Variants in ZNF75D observed in about 807,000 individuals in gnomAD.
The protein encoded by ZNF75D is zinc finger protein 75D.
In ZNF75D, 33 loss-of-function variants were observed where a neutral mutation model predicts 33.3. That is an observed-to-expected ratio of 0.99 (90% CI 0.75 to 1.32). The LOEUF (loss-of-function observed/expected upper bound fraction) is 1.32, where lower values mean the gene tolerates loss of function less well. Among genes scored for constraint, ZNF75D ranks in the 40% most tolerant of loss-of-function variants. The probability of loss-of-function intolerance (pLI) is 0.00; values close to 1 mark genes in which losing one functional copy is unlikely to be tolerated. For missense variants in ZNF75D, 338 were observed against 367.5 expected (o/e 0.92, Z 0.66); for synonymous variants, 113 against 130.6 (o/e 0.87, Z 0.92).
chrX:135,284,763 G>A (rs1479229583), downstream of ZNF75D, among the ~76,000 whole-genome samples: 1 of 111,806 alleles, frequency 8.9e-6, no homozygotes, highest in African/African-American at 3.2e-5. Context: ...AAGGTAACAG[G>A]TATTATAACA....
Position 135,302,236 on chromosome X carries a change from A to G in ZNF75D, c.-390-6197T>C, listed in dbSNP as rs782120922. Among the ~76,000 whole-genome samples the G allele has an allele frequency of 1.1e-3, 129 of 112,469 alleles. 1 individual carries two copies. Among genetic ancestry groups the G allele is most frequent in the African/African-American group, 3.9e-3 (121 of 30,980 alleles). On this transcript the variant is annotated intron_variant, in intron 1 of 6. Coordinates refer to ENST00000370766, the MANE Select transcript of ZNF75D (RefSeq NM_007131.5). ...TTTAAATACATTATATTTAGGCCCT[A>G]TACATCAAAGGTGAAGCAAGGATAT...
At chrX:135,311,109 C>A (rs1192402703) in intron 1 of ZNF75D, among the ~76,000 whole-genome samples, 1 of 112,581 alleles carries the variant, frequency 8.9e-6, no homozygotes, top group Non-Finnish European at 1.9e-5. Flanking sequence ...GCTGGGTGAG[C>A]TTTTCCCACT....
intron 1 of ZNF75D, among the ~76,000 whole-genome samples, chrX:135,323,705 C>G (rs1466908557): frequency 9.0e-6 from 1 of 111,722 alleles, no homozygotes; most frequent in Admixed American, 9.5e-5. Flanking sequence ...AGACACATTA[C>G]CCAGGGTCAT....
chrX:135,286,157 A>T lies in ZNF75D; in HGVS notation c.*980T>A, dbSNP rs2083948067. Reference sequence around the variant, plus strand: ...CTGTGCACCAAAGCTAAAAGTTCACAAGGCTCTCCTTGCCATTCTCAATAA... The same window carrying T: ...CTGTGCACCAAAGCTAAAAGTTCACTAGGCTCTCCTTGCCATTCTCAATAA... On this transcript the variant is annotated 3_prime_UTR_variant, in exon 7 of 7. Transcript: ENST00000370766. 1 of 112,168 alleles carries T rather than the reference A, an allele frequency of 8.9e-6. No individual in the cohort carries two copies. The highest frequency in any genetic ancestry group is 3.2e-5 in the African/African-American group (1 of 30,828). The allele number at this position is 112,168 out of a possible 1,213,427, so 9.2% of individuals were successfully genotyped here. A position where few individuals can be genotyped will look rare whatever the true frequency, so the allele number is the denominator to read the frequency against.
chrX:135,280,311 C>CTGTT (rs1286173304), intron 1 of ZNF75D, among the ~76,000 whole-genome samples: 5 of 111,574 alleles, frequency 4.5e-5, no homozygotes, highest in Non-Finnish European at 9.4e-5. Flanking sequence ...GCAACCCTTT[C>CTGTT]TGTTTGTTTG....
At chrX:135,293,031 C>T (rs1348384409) in intron 3 of ZNF75D, among the ~76,000 whole-genome samples, 2 of 111,026 alleles carry the variant, frequency 1.8e-5, no homozygotes, top group African/African-American at 6.6e-5. Flanking sequence ...ATATGGCCTG[C>T]CCTGGATTTT....
At chrX:135,339,509 C>T in intron 1 of ZNF75D, among the ~76,000 whole-genome samples, 1 of 112,241 alleles carries the variant, frequency 8.9e-6, no homozygotes, top group Admixed American at 9.4e-5. Flanking sequence ...GCAGGTCTCA[C>T]TCCCAGAGCT....
At chrX:135,333,935 C>G (rs1359301997) in intron 1 of ZNF75D, among the ~76,000 whole-genome samples, 1 of 111,839 alleles carries the variant, frequency 8.9e-6, no homozygotes, top group Non-Finnish European at 1.9e-5. Context: ...CAGAAATAAT[C>G]ATCTTTTCAT....
intron 1 of ZNF75D, among the ~76,000 whole-genome samples, chrX:135,279,902 A>G: frequency 9.0e-6 from 1 of 111,553 alleles, no homozygotes; most frequent in East Asian, 2.8e-4. Flanking sequence ...TTTACTTCCA[A>G]TTGTGTCGTC....
chrX:135,280,489 T>G lies in ZNF75D; in HGVS notation n.828-24712A>C, dbSNP rs1292199223. Reference sequence around the variant, plus strand: ...ATTGGGACATTTAGCCCATTTACATTTAAGGTTAATATTTTTATGTGTGAA... The same window carrying G: ...ATTGGGACATTTAGCCCATTTACATGTAAGGTTAATATTTTTATGTGTGAA... On this transcript the variant is annotated intron_variant and non_coding_transcript_variant, in intron 1 of 3. Transcript: ENST00000494295. 9.8e-5 allele frequency among the ~76,000 whole-genome samples: 11 copies of G among 111,986 alleles called. No individual in the cohort carries two copies. In the Admixed American group the frequency reaches 1.0e-3, roughly 11 times the overall value.
chrX:135,278,004 G>GT (rs1157108935), intron 1 of ZNF75D, among the ~76,000 whole-genome samples: 2 of 111,195 alleles, frequency 1.8e-5, no homozygotes, highest in African/African-American at 6.5e-5. Context: ...ATTTAAAGTA[G>GT]TTTTTTTTCT....
rs782348005 is a variant in ZNF75D, at chrX:135,293,958, G to A, written c.183C>T (p.Thr61=). ...GTTGGCTGATAGTCTCAAGCGGTCC[G>A]GTTGCTTCATGATAACGGAAGCTCC... ...HFWSFRYHEA[T]GPLETISQLQ... is the part of the protein sequence containing the mutation. The change falls in exon 3 of 7, where the codon ACC becomes ACT. Residue 61 remains threonine, a synonymous_variant. Coordinates refer to ENST00000370766, the MANE Select transcript of ZNF75D (RefSeq NM_007131.5). 8.3e-6 allele frequency: 10 copies of A among 1,211,545 alleles called. No homozygotes were observed. Among genetic ancestry groups the A allele is most frequent in the South Asian group, 5.3e-5 (3 of 56,942 alleles).
At chrX:135,326,489 C>T (rs2084578677) in intron 1 of ZNF75D, among the ~76,000 whole-genome samples, 1 of 111,950 alleles carries the variant, frequency 8.9e-6, no homozygotes, top group African/African-American at 3.3e-5. Context: ...CAAAACAGAC[C>T]ACTCGGCTCT....
intron 1 of ZNF75D, among the ~76,000 whole-genome samples, chrX:135,313,526 G>GA (rs1172591920): frequency 6.3e-5 from 7 of 110,880 alleles, no homozygotes; most frequent in African/African-American, 6.6e-5. Flanking sequence ...CTATTTCTGT[G>GA]AAAAAAATGG....
chrX:135,260,784 G>C (rs1158598035), intron 1 of ZNF75D, among the ~76,000 whole-genome samples: 1 of 111,455 alleles, frequency 9.0e-6, no homozygotes, highest in Non-Finnish European at 1.9e-5. Flanking sequence ...AGGGTTTTTT[G>C]TGTCTCTATC....
chrX:135,266,434 G>T (rs1200464549), intron 1 of ZNF75D, among the ~76,000 whole-genome samples: 1 of 111,458 alleles, frequency 9.0e-6, no homozygotes, highest in Non-Finnish European at 1.9e-5. Flanking sequence ...GATGTAAAAA[G>T]ATATTCCACG....
At position 135,294,241 on chromosome X, in the gene ZNF75D, T is replaced by C. The variant is rs1406289637; in HGVS notation, c.-101A>G. 2.8e-6 allele frequency: 2 copies of C among 707,502 alleles called. No individual in the cohort carries two copies. The highest frequency in any genetic ancestry group is 4.1e-6 in the Non-Finnish European group (2 of 482,468). The allele number at this position is 707,502 out of a possible 1,213,427, so 58.3% of individuals were successfully genotyped here. On this transcript the variant is annotated 5_prime_UTR_variant, in exon 3 of 7. Transcript: ENST00000370766. ...ATCAGGTTGGTACCAAATCAATGAATTGTTCTTCCCAAGAGCACTGAGGGA... is the reference window on the plus strand; with the variant it reads ...ATCAGGTTGGTACCAAATCAATGAACTGTTCTTCCCAAGAGCACTGAGGGA...
rs781905965 is a variant in ZNF75D at position 135,287,723 on chromosome X, C to T, written c.947G>A (p.Gly316Asp). ...TRMKIAQKTM[G>D]RENPGDTHSV... ...GTGTGTATCACCAGGATTTTCCCTG[C>T]CCATTGTTTTCTGGGCAATTTTCAT... Residue 316 changes from glycine (G) to aspartate (D), a missense_variant, in exon 7 of 7, where the codon GGC becomes GAC. Coordinates refer to ENST00000370766, the MANE Select transcript of ZNF75D (RefSeq NM_007131.5). 8.3e-7 allele frequency: 1 copy of T among 1,211,738 alleles called. No homozygotes were observed.
rs144294954 is a variant in ZNF75D at position 135,322,312 on chromosome X, C to A, written c.-391+19456G>T. Among the ~76,000 whole-genome samples, 48 of 112,315 alleles carry A rather than the reference C, an allele frequency of 4.3e-4. No homozygotes were observed. In the East Asian group the frequency reaches 0.012, roughly 27 times the overall value. On this transcript the variant is annotated intron_variant, in intron 1 of 6. Transcript: ENST00000370766. ...AATATATTTGTGTCATTTTAAGCTACTTAAGTTCATGGTTATCTGTTAGAG... is the reference window on the plus strand; with the variant it reads ...AATATATTTGTGTCATTTTAAGCTAATTAAGTTCATGGTTATCTGTTAGAG...
Sources: gnomAD v4.1 joint callset for allele counts (sites outside exome capture counted in the v4.1 genomes callset) on GRCh38, gnomAD v4.1.1 for gene constraint, MANE v1.5 for transcripts, NCBI Gene and HGNC (gene_info 2026-07-23, HGNC 2026-07-21) for gene names.